The following COG1 variants were observed in gnomAD, a reference collection of about 807,000 sequenced individuals.
COG1 encodes the protein conserved oligomeric Golgi complex subunit 1.
Under a neutral mutation model 102.2 loss-of-function variants are expected in COG1, and 61 were observed. The observed-to-expected ratio is 0.60, with a 90% CI of 0.49 to 0.74. COG1 has a LOEUF of 0.74. Ranked by LOEUF, COG1 falls within the 30% of genes least tolerant of loss-of-function variation. The probability of loss-of-function intolerance (pLI) is 0.00; values close to 1 mark genes in which losing one functional copy is unlikely to be tolerated. For synonymous variants in COG1, 454 were observed against 493.6 expected (o/e 0.92, Z 1.06); for missense variants, 1,164 against 1,232.1 (o/e 0.94, Z 0.83).
At chr17:73,198,438 T>A (rs1432550105) in intron 4 of COG1, among the ~76,000 whole-genome samples, 1 of 152,068 alleles carries the variant, frequency 6.6e-6, no homozygotes, top group Admixed American at 6.6e-5. Flanking sequence ...AGATAAACAT[T>A]TGCTGTGTGT....
At chr17:73,195,840 G>T (rs1285021376) in intron 1 of COG1, among the ~76,000 whole-genome samples, 1 of 152,220 alleles carries the variant, frequency 6.6e-6, no homozygotes, top group African/African-American at 2.4e-5. Context: ...TGGAACCCGG[G>T]ATGTTTGATT....
At chr17:73,194,216 G>A (rs1190029932) in intron 1 of COG1, among the ~76,000 whole-genome samples, 1 of 146,538 alleles carries the variant, frequency 6.8e-6, no homozygotes, top group Non-Finnish European at 1.5e-5. Context: ...GCCGAGGCGG[G>A]TGGATCACGA....
intron 4 of COG1, among the ~76,000 whole-genome samples, chr17:73,198,071 A>G (rs1473196025): frequency 6.6e-6 from 1 of 151,940 alleles, no homozygotes; most frequent in African/African-American, 2.4e-5. Flanking sequence ...TAGGTGGAAT[A>G]GATCCCCTTG....
Position 73,207,295 on chromosome 17 carries a change from C to T in COG1, c.2805+39C>T, listed in dbSNP as rs186737076. The T allele has an allele frequency of 1.2e-3, 1,954 of 1,582,196 alleles. 25 individuals are homozygous for T. The Middle Eastern group carries it at 0.022, about 18-fold the overall frequency. ...GCAAGAGGCTCATCCGTGGATGGGT[C>T]CCCACCTCCCACCGAGCCACCCATG... On this transcript the variant is annotated intron_variant, in intron 13 of 13. Coordinates refer to ENST00000299886, the MANE Select transcript of COG1 (RefSeq NM_018714.3).
At chr17:73,207,304 C>T (rs2061381727) in intron 13 of COG1, 48 bp downstream of exon 13, 1 of 1,507,576 alleles carries the variant, frequency 6.6e-7, no homozygotes, top group African/African-American at 1.4e-5. Context: ...TCCCCACCTC[C>T]CACCGAGCCA....
intron 5 of COG1, among the ~76,000 whole-genome samples, chr17:73,200,337 C>A (rs1417060571): frequency 6.6e-6 from 1 of 152,150 alleles, no homozygotes; most frequent in Non-Finnish European, 1.5e-5. Flanking sequence ...TCCAGACTTG[C>A]GTATATCCTC....
At chr17:73,206,450 A>G (rs2061372767) in intron 11 of COG1, among the ~76,000 whole-genome samples, 188 bp downstream of exon 11, 1 of 152,130 alleles carries the variant, frequency 6.6e-6, no homozygotes, top group African/African-American at 2.4e-5. Context: ...GGCAACCAAG[A>G]TTTGGCCCCT....
At chr17:73,198,087 A>T (rs1200257947) in intron 4 of COG1, among the ~76,000 whole-genome samples, 2 of 152,180 alleles carry the variant, frequency 1.3e-5, no homozygotes, top group African/African-American at 2.4e-5. Flanking sequence ...CCTTGGGGCT[A>T]GAATGGATGC....
At position 73,193,124 on chromosome 17, in the gene COG1, G is replaced by C; in HGVS notation, c.55G>C (p.Ala19Pro). ...ALKRLDLRDP[A>P]ALFETHGAEE... is the part of the protein sequence containing the mutation. ...GAAGCGGCTGGATCTGCGCGACCCT[G>C]CGGCTCTTTTCGAGACGCATGGAGC... The change falls in exon 1 of 14, where the codon GCG becomes CCG. Residue 19 changes from alanine to proline, a missense_variant. Ala to Pro is a conservative substitution (Grantham distance 27). Transcript: ENST00000299886. 1.9e-6 allele frequency: 3 copies of C among 1,611,798 alleles called. No individual in the cohort carries two copies. The highest frequency in any genetic ancestry group is 2.5e-6 in the Non-Finnish European group (3 of 1,179,546).
chr17:73,203,529 A>G (rs1383550038), intron 8 of COG1, 103 bp from the exon 9 acceptor site: 2 of 1,422,634 alleles, frequency 1.4e-6, no homozygotes, highest in Non-Finnish European at 2.0e-6. Context: ...GAGAGGGGTC[A>G]AAGTCCTGGC....
intron 9 of COG1, chr17:73,205,185 A>AACAT (rs1399502336): frequency 1.0e-5 from 3 of 300,910 alleles, no homozygotes; most frequent in African/African-American, 6.8e-5. Context: ...CAAACAAACA[A>AACAT]ACAAAAACCC....
At position 73,201,559 on chromosome 17, in the gene COG1, A is replaced by G. The variant is rs373367388; in HGVS notation, c.1732A>G (p.Ile578Val). ...GCTGCGGACTCAGTCCGTGGCATGC[A>G]TCAAGCACATCGTGGACTGCATCCG... ...EMLRTQSVAC[I>V]KHIVDCIRAE... Residue 578 changes from isoleucine (I) to valine (V), a missense_variant, in exon 7 of 14, where the codon ATC (isoleucine) becomes GTC (valine). By Grantham distance (29) the Ile-to-Val change is conservative. Coordinates refer to ENST00000299886, the MANE Select transcript of COG1 (RefSeq NM_018714.3). The G allele has an allele frequency of 8.1e-6, 13 of 1,614,096 alleles. No individual in the cohort carries two copies. The highest frequency in any genetic ancestry group is 1.3e-5 in the African/African-American group (1 of 74,932).
chr17:73,199,529 A>G (rs959190833), intron 4 of COG1, among the ~76,000 whole-genome samples: 1 of 152,168 alleles, frequency 6.6e-6, no homozygotes, highest in African/African-American at 2.4e-5. Flanking sequence ...TGACCTTCCA[A>G]AGGAAAACTT....
chr17:73,199,015 A>G (rs1378969884), intron 4 of COG1, among the ~76,000 whole-genome samples: 1 of 151,926 alleles, frequency 6.6e-6, no homozygotes, highest in African/African-American at 2.4e-5. Context: ...ACCTCATCCC[A>G]CTCAGGAAGG....
Position 73,208,061 on chromosome 17 carries a change from G to A in COG1, c.2806-253G>A, listed in dbSNP as rs1314857851. The A allele has an allele frequency of 2.2e-6, 3 of 1,392,900 alleles. No homozygotes were observed. In the East Asian group the frequency reaches 8.5e-5, roughly 40 times the overall value. The allele number at this position is 1,392,900 out of a possible 1,614,324, so 86.3% of individuals were successfully genotyped here. A position where few individuals can be genotyped will look rare whatever the true frequency, so the allele number is the denominator to read the frequency against. On this transcript the variant is annotated intron_variant, in intron 13 of 13. Coordinates refer to ENST00000299886, the MANE Select transcript of COG1 (RefSeq NM_018714.3). The stretch of plus-strand genomic sequence containing the variant: ...GCCCACATTAGGTTAGCAGGCTGTG[G>A]AGAGAAGTGCCTGTGTCTACCCTTT...
At chr17:73,207,460 AC>A (rs1237304106) in intron 13 of COG1, 3 of 686,612 alleles carry the variant, frequency 4.4e-6, no homozygotes, top group Non-Finnish European at 7.8e-6. Flanking sequence ...CGCTGACACT[AC>A]CAAGTAGCCT....
At position 73,206,715 on chromosome 17, in the gene COG1, T is replaced by C. The variant is rs769216650; in HGVS notation, c.2627T>C (p.Phe876Ser). ...HRLVQRTSVL[F>S]GLVTGTENQL... ...CCACCTCTTGTCTGCCAGGTTCTGT[T>C]TGGATTGGTGACTGGTACAGAGAAT... The change falls in exon 12 of 14, where the codon TTT becomes TCT. Residue 876 changes from phenylalanine (F) to serine (S), a missense_variant. Transcript: ENST00000299886. 1.2e-6 allele frequency: 2 copies of C among 1,612,462 alleles called. No individual in the cohort carries two copies.
In COG1 at chr17:73,196,402, G is replaced by A. The variant is rs771540992; in HGVS notation, c.316-105G>A. 1.2e-5 allele frequency: 19 copies of A among 1,554,406 alleles called. No individual in the cohort carries two copies. In the Admixed American group the frequency reaches 2.8e-4, roughly 23 times the overall value. ...GAGTTGTACTGAACCCAGCTTAATA[G>A]AAGTTTTGTATCCTTAAATACCCCC... On this transcript the variant is annotated intron_variant, in intron 1 of 13. Transcript: ENST00000299886.
Position 73,207,180 on chromosome 17 carries a change from GGT to G in COG1, c.2730_2731del (p.Arg910SerfsTer15), listed in dbSNP as rs2061380600. On this transcript the variant is annotated frameshift_variant and splice_region_variant, in exon 13 of 14. Transcript: ENST00000299886. LOFTEE classifies it high-confidence loss of function. ...CTAAATTCTTTCCTCTTGTTTTGGA[GGT>G]TTGGACTTCTCCCACTGAGCATGAC... 1 of 1,612,748 alleles carries G rather than the reference GGT, an allele frequency of 6.2e-7. No homozygotes were observed. The highest frequency in any genetic ancestry group is 1.1e-5 in the South Asian group (1 of 91,032).
Sources: allele counts gnomAD v4.1 joint callset (sites outside exome capture counted in the v4.1 genomes callset), GRCh38; gene constraint gnomAD v4.1.1; transcripts MANE v1.5; gene names NCBI Gene and HGNC (gene_info 2026-07-23, HGNC 2026-07-21).